KRAS: variants seen among roughly 807,000 people sequenced by gnomAD.
KRAS encodes KRas proto-oncogene, GTPase.
In KRAS, 1 loss-of-function variant was observed where a neutral mutation model predicts 21.0. The ratio of observed to expected loss-of-function variants is 0.05; its 90% CI spans 0.02 to 0.23. KRAS has a LOEUF of 0.23. Ranked by LOEUF, KRAS falls within the 10% of genes least tolerant of loss-of-function variation. The probability of loss-of-function intolerance (pLI) is 1.00; values close to 1 mark genes in which losing one functional copy is unlikely to be tolerated. For missense variants in KRAS, 107 were observed against 221.8 expected, an observed-to-expected ratio of 0.48 and a Z score of 3.29; for synonymous variants, 67 against 72.5, an observed-to-expected ratio of 0.92 and a Z score of 0.39.
rs886049195 is a variant in KRAS at position 25,209,030 on chromosome 12, T to C, written c.*765A>G. On this transcript the variant is annotated 3_prime_UTR_variant, in exon 5 of 5. Transcript: ENST00000311936. ...ATAAAAATTTAGTAGCATGTAAATA[T>C]AGCCCCAAAATGGTTGCTATAATAA... 147 of 388,096 alleles carry C rather than the reference T, an allele frequency of 3.8e-4. No individual in the cohort carries two copies. The highest frequency in any genetic ancestry group is 3.9e-4 in the Non-Finnish European group (86 of 220,210). 24.0% of individuals were successfully genotyped at this position (388,096 alleles called of 1,614,324 possible). A position where few individuals can be genotyped will look rare whatever the true frequency, so the allele number is the denominator to read the frequency against.
chr12:25,232,733 T>TC (rs1005127495), intron 2 of KRAS, among the ~76,000 whole-genome samples: 2 of 151,916 alleles, frequency 1.3e-5, no homozygotes, highest in South Asian at 4.2e-4. Context: ...TTCCCCATAG[T>TC]CCCCCCACTC....
Position 25,225,706 on chromosome 12 carries a change from A to C in KRAS, c.358T>G (p.Leu120Val). The change falls in exon 4 of 5, where the codon TTG (leucine) becomes GTG (valine). Residue 120 changes from leucine (L) to valine (V), a missense_variant. This residue lies in a region of KRAS where 65 missense variants were observed against 82.3 expected (regional missense o/e 0.79). Coordinates refer to ENST00000311936, the MANE Select transcript of KRAS (RefSeq NM_004985.5). ...PMVLVGNKCD[L>V]PSRTVDTKQA... ...TTTGTGTCTACTGTTCTAGAAGGCA[A>C]ATCACATTTATTTCCTACTAGGACC... The C allele has an allele frequency of 6.2e-7, 1 of 1,613,232 alleles. No homozygotes were observed. The highest frequency in any genetic ancestry group is 8.5e-7 in the Non-Finnish European group (1 of 1,179,452).
chr12:25,248,926 T>C (rs529744059), intron 1 of KRAS, among the ~76,000 whole-genome samples: 9 of 152,240 alleles, frequency 5.9e-5, no homozygotes, highest in Non-Finnish European at 1.0e-4. Context: ...GTCTATAACA[T>C]GCAGAGTCAG....
intron 2 of KRAS, among the ~76,000 whole-genome samples, chr12:25,229,556 A>G (rs1371495083): frequency 5.3e-5 from 8 of 152,208 alleles, no homozygotes; most frequent in African/African-American, 1.7e-4. Flanking sequence ...CTTGAAATAA[A>G]AATCTGATTT....
chr12:25,224,609 C>T (rs1409080794), intron 4 of KRAS, among the ~76,000 whole-genome samples: 2 of 151,846 alleles, frequency 1.3e-5, no homozygotes, highest in Admixed American at 1.3e-4. Flanking sequence ...TATTATTGAA[C>T]AGAAATTTAA....
chr12:25,236,499 CTGTG>C (rs1416303931), intron 2 of KRAS, among the ~76,000 whole-genome samples: 2 of 152,054 alleles, frequency 1.3e-5, no homozygotes, highest in African/African-American at 4.8e-5. Flanking sequence ...CTTGATGTTA[CTGTG>C]TTACTTCAGT....
intron 4 of KRAS, chr12:25,215,064 C>G: frequency 4.9e-6 from 1 of 203,974 alleles, no homozygotes; most frequent in Non-Finnish European, 7.3e-6. Flanking sequence ...CTGCTGTCTA[C>G]TATAGCTCAT....
chr12:25,212,299 A>G (rs1951207328), intron 4 of KRAS, among the ~76,000 whole-genome samples: 1 of 152,230 alleles, frequency 6.6e-6, no homozygotes, highest in Admixed American at 6.5e-5. Context: ...ATGAAAAACC[A>G]TGTGATGGAC....
At chr12:25,227,456 T>C (rs2141510802) in intron 2 of KRAS, 44 bp from the exon 3 acceptor site, 2 of 1,585,230 alleles carry the variant, frequency 1.3e-6, no homozygotes, top group Non-Finnish European at 1.7e-6. Context: ...AGTGCACCTT[T>C]TACTTCAAAA....
chr12:25,243,268 C>T (rs753527730), intron 2 of KRAS, among the ~76,000 whole-genome samples: 2 of 152,110 alleles, frequency 1.3e-5, no homozygotes, highest in Non-Finnish European at 2.9e-5. Context: ...TGTGTCAGTT[C>T]CCTCAGAGAC....
At position 25,225,561 on chromosome 12, in the gene KRAS, AAC is replaced by A. The variant is rs1951382122; in HGVS notation, c.450+51_450+52del. ...GAAAAACTGATATATTAAATGACAT[AAC>A]AGTTATGATTTTGCAGAAAACAGAT... On this transcript the variant is annotated intron_variant, in intron 4 of 4. Transcript: ENST00000311936. 5.4e-5 allele frequency: 82 copies of A among 1,520,996 alleles called. 1 individual carries two copies. In the South Asian group the frequency reaches 8.4e-4, roughly 16 times the overall value. The allele number at this position is 1,520,996 out of a possible 1,614,324, so 94.2% of individuals were successfully genotyped here. A position where few individuals can be genotyped will look rare whatever the true frequency, so the allele number is the denominator to read the frequency against.
chr12:25,232,754 T>C (rs2141519927), intron 2 of KRAS, among the ~76,000 whole-genome samples: 1 of 152,286 alleles, frequency 6.6e-6, no homozygotes, highest in Non-Finnish European at 1.5e-5. Context: ...CCAGCTAAAA[T>C]ATTATTTTTT....
chr12:25,229,102 AC>A (rs1324995758), intron 2 of KRAS, among the ~76,000 whole-genome samples: 1 of 152,114 alleles, frequency 6.6e-6, no homozygotes, highest in Non-Finnish European at 1.5e-5. Context: ...ACCATGGTAA[AC>A]TTTATGTTAT....
intron 4 of KRAS, among the ~76,000 whole-genome samples, chr12:25,212,606 C>A (rs979033830): frequency 1.3e-5 from 2 of 151,950 alleles, no homozygotes; most frequent in Non-Finnish European, 2.9e-5. Flanking sequence ...TAATTTCAAT[C>A]GTGAAGGAAA....
chr12:25,233,993 A>G (rs61761151), intron 2 of KRAS: 2,655 of 193,700 alleles, frequency 0.014, 46 homozygotes, highest in Middle Eastern at 0.05. Context: ...CCCACTTTCA[A>G]TGTAACAGTG....
At chr12:25,222,938 C>T (rs1013563141) in intron 4 of KRAS, among the ~76,000 whole-genome samples, 1 of 152,080 alleles carries the variant, frequency 6.6e-6, no homozygotes, top group Non-Finnish European at 1.5e-5. Context: ...TTTTTATGTC[C>T]TCTACTGCTT....
At chr12:25,230,491 G>T (rs1380699361) in intron 2 of KRAS, among the ~76,000 whole-genome samples, 1 of 152,068 alleles carries the variant, frequency 6.6e-6, no homozygotes, top group East Asian at 1.9e-4. Context: ...ACCTGGGCCT[G>T]GTGGTGCATG....
At chr12:25,247,765 A>AT (rs1951703763) in intron 1 of KRAS, among the ~76,000 whole-genome samples, 1 of 152,224 alleles carries the variant, frequency 6.6e-6, no homozygotes, top group African/African-American at 2.4e-5. Context: ...ATCATAATAG[A>AT]TTGAATGCAG....
At chr12:25,222,082 G>A (rs1951333336) in intron 4 of KRAS, among the ~76,000 whole-genome samples, 2 of 151,198 alleles carry the variant, frequency 1.3e-5, no homozygotes, top group East Asian at 1.9e-4. Context: ...CCGGGAGGCG[G>A]AGCCTGCAGT....
Sources: allele counts gnomAD v4.1 joint callset (sites outside exome capture counted in the v4.1 genomes callset), GRCh38; gene constraint gnomAD v4.1.1; regional missense constraint gnomAD v4.1.1; transcripts MANE v1.5; gene names NCBI Gene and HGNC (gene_info 2026-07-23, HGNC 2026-07-21).